Variants in MAP3K1 observed in about 807,000 individuals in gnomAD.
MAP3K1 encodes mitogen-activated protein kinase kinase kinase 1.
In MAP3K1, 36 loss-of-function variants were observed where a neutral mutation model predicts 144.2. That is an observed-to-expected ratio of 0.25 (90% confidence interval 0.19 to 0.33). MAP3K1 has a LOEUF of 0.33. Among genes scored for constraint, MAP3K1 ranks in the 10% least tolerant of loss-of-function variants. The pLI is 1.00. For synonymous variants in MAP3K1, 718 were observed against 688.7 expected (o/e 1.04, Z -0.67); for missense variants, 1,650 against 1,881.9 (o/e 0.88, Z 2.28).
chr5:56,838,615 A>G (rs1746724129), intron 1 of MAP3K1, among the ~76,000 whole-genome samples: 2 of 152,222 alleles, frequency 1.3e-5, no homozygotes, highest in African/African-American at 4.8e-5. Context: ...TGCCTGAGTT[A>G]ACATTTTTAA....
At chr5:56,820,175 A>G (rs1280082301) in intron 1 of MAP3K1, among the ~76,000 whole-genome samples, 1 of 152,020 alleles carries the variant, frequency 6.6e-6, no homozygotes, top group African/African-American at 2.4e-5. Context: ...GTTTATATAT[A>G]ATCTCATTTG....
chr5:56,878,233 T>A (rs980376687), intron 10 of MAP3K1, among the ~76,000 whole-genome samples: 2 of 152,170 alleles, frequency 1.3e-5, no homozygotes, highest in African/African-American at 4.8e-5. Flanking sequence ...ATAGCAGTTA[T>A]TACTACACCA....
chr5:56,880,703 G>C lies in MAP3K1; in HGVS notation c.2088-8G>C, dbSNP rs755530159. 1.2e-6 allele frequency: 2 copies of C among 1,609,730 alleles called. No homozygotes were observed. The highest frequency in any genetic ancestry group is 2.2e-5 in the South Asian group (2 of 90,972). The stretch of plus-strand genomic sequence containing the variant: ...CCAGGATTGATGTTGCTTTTCCTTT[G>C]TTTTTAGCCGCACAAGTCAGCTGTC... On this transcript the variant is annotated splice_polypyrimidine_tract_variant and splice_region_variant and intron_variant, in intron 11 of 19. Coordinates refer to ENST00000399503, the MANE Select transcript of MAP3K1 (RefSeq NM_005921.2).
chr5:56,815,779 A>T lies in MAP3K1; in HGVS notation c.206A>T (p.Glu69Val), dbSNP rs1219038286. The T allele has an allele frequency of 1.4e-6, 2 of 1,418,794 alleles. No homozygotes were observed. Among genetic ancestry groups the T allele is most frequent in the Admixed American group, 5.0e-5 (2 of 40,292 alleles). The allele number at this position is 1,418,794 out of a possible 1,614,324, so 87.9% of individuals were successfully genotyped here. A position where few individuals can be genotyped will look rare whatever the true frequency, so the allele number is the denominator to read the frequency against. ...CAGCTGCGCAAAGTGCGGAGTGTGG[A>T]GCTGGACCAGCTGCCTGAGCAGCCG... ...RRQLRKVRSV[E>V]LDQLPEQPLF... The change falls in exon 1 of 20, where the codon GAG becomes GTG. Residue 69 changes from glutamate (E) to valine (V), a missense_variant. Glu to Val is a moderately radical substitution (Grantham distance 121). Around this residue, in one of 6 missense-constraint regions of MAP3K1, gnomAD observed 360 missense variants for 274.7 expected, o/e 1.31. Transcript: ENST00000399503.
intron 15 of MAP3K1, 108 bp from the exon 16 acceptor site, chr5:56,884,556 C>T (rs1053438152): frequency 4.7e-5 from 46 of 986,118 alleles, no homozygotes; most frequent in Admixed American, 2.1e-4. Flanking sequence ...CATCCATAAG[C>T]ATAAATGCCA....
intron 1 of MAP3K1, among the ~76,000 whole-genome samples, chr5:56,843,304 T>G (rs1173939549): frequency 6.6e-6 from 1 of 152,168 alleles, no homozygotes; most frequent in Non-Finnish European, 1.5e-5. Context: ...TGCCATCACC[T>G]CCTTCAGCCA....
chr5:56,882,968 T>C, intron 14 of MAP3K1, 102 bp downstream of exon 14: 2 of 926,542 alleles, frequency 2.2e-6, no homozygotes, highest in Non-Finnish European at 3.3e-6. Flanking sequence ...GCCGAAGGAT[T>C]GCTTGAGCAC....
rs1748675867 is a variant in MAP3K1 at position 56,895,400 on chromosome 5, C to G, written c.*1720C>G. On this transcript the variant is annotated 3_prime_UTR_variant, in exon 20 of 20. Coordinates refer to ENST00000399503, the MANE Select transcript of MAP3K1 (RefSeq NM_005921.2). ...TTTTTTTGACTACTTAGAATTTTCA[C>G]AATTCTAATAAGATTGTTTCCAAGT... The G allele has an allele frequency of 4.5e-6, 1 of 222,662 alleles. No homozygotes were observed. Among genetic ancestry groups the G allele is most frequent in the South Asian group, 1.9e-4 (1 of 5,386 alleles). The allele number at this position is 222,662 out of a possible 1,614,324, so 13.8% of individuals were successfully genotyped here. A position where few individuals can be genotyped will look rare whatever the true frequency, so the allele number is the denominator to read the frequency against.
chr5:56,821,173 T>C (rs919870310), intron 1 of MAP3K1, among the ~76,000 whole-genome samples: 5 of 152,226 alleles, frequency 3.3e-5, no homozygotes, highest in Non-Finnish European at 5.9e-5. Flanking sequence ...TGGCATGTCA[T>C]TGGTGATTGA....
chr5:56,873,910 C>T (rs1747937443), intron 9 of MAP3K1, among the ~76,000 whole-genome samples: 3 of 152,216 alleles, frequency 2.0e-5, no homozygotes, highest in Admixed American at 6.5e-5. Flanking sequence ...ATTTAATGAA[C>T]TATTAATGAA....
At chr5:56,837,163 GT>G (rs1289266927) in intron 1 of MAP3K1, among the ~76,000 whole-genome samples, 2 of 151,240 alleles carry the variant, frequency 1.3e-5, no homozygotes, top group African/African-American at 4.9e-5. Flanking sequence ...TTCCTCTTGG[GT>G]TGCTTCCCTA....
chr5:56,815,876 T>C lies in MAP3K1; in HGVS notation c.303T>C (p.Ser101=), dbSNP rs780230230. 45 of 1,379,150 alleles carry C rather than the reference T, an allele frequency of 3.3e-5. No individual in the cohort carries two copies. The highest frequency in any genetic ancestry group is 4.1e-5 in the Non-Finnish European group (44 of 1,062,028). The allele number at this position is 1,379,150 out of a possible 1,614,324, so 85.4% of individuals were successfully genotyped here. A position where few individuals can be genotyped will look rare whatever the true frequency, so the allele number is the denominator to read the frequency against. ...CGGAGCCCGCGGACGCAGCGGGGAG[T>C]GGGACCGGCTTCCAGCCTGTGGCGG... ...PSPEPADAAG[S]GTGFQPVAVP... is the part of the protein sequence containing the mutation. Residue 101 remains serine, a synonymous_variant, in exon 1 of 20, where the codon AGT becomes AGC. Transcript: ENST00000399503.
At chr5:56,888,156 C>G (rs1050104716) in intron 18 of MAP3K1, 70 bp from the exon 19 acceptor site, 18 of 1,410,484 alleles carry the variant, frequency 1.3e-5, no homozygotes, top group Non-Finnish European at 1.6e-5. Flanking sequence ...GAAGTAGAAT[C>G]TATAACTACA....
At chr5:56,860,221 A>G (rs951324368) in intron 3 of MAP3K1, among the ~76,000 whole-genome samples, 5 of 152,192 alleles carry the variant, frequency 3.3e-5, no homozygotes, top group African/African-American at 9.7e-5. Flanking sequence ...CATTATTGCT[A>G]TGTATCAGCC....
At position 56,895,716 on chromosome 5, in the gene MAP3K1, T is replaced by C. The variant is rs969108560; in HGVS notation, c.*2036T>C. ...ATGCAAATGTGATGTAATATTCTTA[T>C]TTTCTTTGGATCAAAGCTGGACTGG... On this transcript the variant is annotated 3_prime_UTR_variant, in exon 20 of 20. Coordinates refer to ENST00000399503, the MANE Select transcript of MAP3K1 (RefSeq NM_005921.2). 4.3e-6 allele frequency: 1 copy of C among 232,260 alleles called. No individual in the cohort carries two copies. The highest frequency in any genetic ancestry group is 8.5e-6 in the Non-Finnish European group (1 of 117,474). 14.4% of individuals were successfully genotyped at this position (232,260 alleles called of 1,614,324 possible). A position where few individuals can be genotyped will look rare whatever the true frequency, so the allele number is the denominator to read the frequency against.
chr5:56,851,409 A>G (rs1274116408), intron 1 of MAP3K1, among the ~76,000 whole-genome samples: 3 of 152,122 alleles, frequency 2.0e-5, no homozygotes, highest in African/African-American at 2.4e-5. Flanking sequence ...CCATTGCAGC[A>G]TGTACACTTG....
rs1296493720 is a variant in MAP3K1 at position 56,815,816 on chromosome 5, C to T, written c.243C>T (p.Ala81=). The stretch of plus-strand genomic sequence containing the variant: ...TGCCTGAGCAGCCGCTCTTCCTTGC[C>T]GCCTCACCGCCGGCCTCCTCGACTT... ...DQLPEQPLFL[A]ASPPASSTSP... Residue 81 remains alanine, a synonymous_variant, in exon 1 of 20, where the codon GCC becomes GCT. Coordinates refer to ENST00000399503, the MANE Select transcript of MAP3K1 (RefSeq NM_005921.2). 1.4e-6 allele frequency: 2 copies of T among 1,422,370 alleles called. No homozygotes were observed. Among genetic ancestry groups the T allele is most frequent in the Admixed American group, 2.5e-5 (1 of 40,572 alleles). 88.1% of individuals were successfully genotyped at this position (1,422,370 alleles called of 1,614,324 possible).
intron 6 of MAP3K1, among the ~76,000 whole-genome samples, chr5:56,866,538 T>C (rs372286568): frequency 6.6e-6 from 1 of 152,198 alleles, no homozygotes; most frequent in East Asian, 1.9e-4. Context: ...TTCTGTTCTG[T>C]ATATTGCTTT....
At chr5:56,861,778 A>G (rs1285085434) in intron 3 of MAP3K1, among the ~76,000 whole-genome samples, 1 of 152,152 alleles carries the variant, frequency 6.6e-6, no homozygotes, top group Admixed American at 6.6e-5. Flanking sequence ...TGGTAAATTC[A>G]TGTGAGAGAG....
Sources: gnomAD v4.1 joint callset for allele counts (sites outside exome capture counted in the v4.1 genomes callset) on GRCh38, gnomAD v4.1.1 for gene constraint, gnomAD v4.1.1 regional missense constraint, MANE v1.5 for transcripts, NCBI Gene and HGNC (gene_info 2026-07-23, HGNC 2026-07-21) for gene names.